Variants in FBXO11 observed in about 807,000 individuals in gnomAD.
FBXO11 encodes the protein F-box only protein 11.
Under a neutral mutation model 117.0 loss-of-function variants are expected in FBXO11, and 13 were observed. That is an observed-to-expected ratio of 0.11 (90% CI 0.07 to 0.18). The LOEUF is 0.18. Among genes scored for constraint, FBXO11 ranks in the 10% least tolerant of loss-of-function variants. The pLI is 1.00. For missense variants in FBXO11, 767 were observed against 1,164.4 expected (o/e 0.66, Z 4.97); for synonymous variants, 490 against 380.5 (o/e 1.29, Z -3.35).
At chr2:47,828,183 C>T (rs930487026) in intron 11 of FBXO11, among the ~76,000 whole-genome samples, 1 of 152,016 alleles carries the variant, frequency 6.6e-6, no homozygotes, top group Non-Finnish European at 1.5e-5. Flanking sequence ...TAGGGTCTGT[C>T]TTGCTCAGGT....
chr2:47,880,431 T>C (rs1226912560), intron 1 of FBXO11, among the ~76,000 whole-genome samples: 11 of 152,318 alleles, frequency 7.2e-5, no homozygotes, highest in Non-Finnish European at 1.3e-4. Context: ...GTGAAAAACA[T>C]CCAATTTCAT....
intron 1 of FBXO11, among the ~76,000 whole-genome samples, chr2:47,886,246 G>A (rs1676836339): frequency 6.6e-6 from 1 of 152,078 alleles, no homozygotes; most frequent in Non-Finnish European, 1.5e-5. Context: ...GGTGCCTCAC[G>A]CTGTAATCCC....
intron 1 of FBXO11, among the ~76,000 whole-genome samples, chr2:47,903,382 A>G (rs1305343886): frequency 6.6e-6 from 1 of 152,210 alleles, no homozygotes; most frequent in Non-Finnish European, 1.5e-5. Flanking sequence ...TTCATTTACC[A>G]TTTGGTTGGG....
rs1338610012 is a variant in FBXO11 at position 47,813,300 on chromosome 2, T to C, written c.2161A>G (p.Thr721Ala). The C allele has an allele frequency of 1.2e-6, 2 of 1,611,760 alleles. No homozygotes were observed. The highest frequency in any genetic ancestry group is 8.5e-7 in the Non-Finnish European group (1 of 1,177,920). The change falls in exon 18 of 23, where the codon ACA (threonine) becomes GCA (alanine). Residue 721 changes from threonine (T) to alanine (A), a missense_variant. This residue lies in a region of FBXO11 where 42 missense variants were observed against 216.8 expected (regional missense o/e 0.19). Coordinates refer to ENST00000403359, the MANE Select transcript of FBXO11 (RefSeq NM_001190274.2). ...TCATGGATTTTATTTCTTCTTAGTG[T>C]AGGATTACTATCTGTCTTAATCCAG... ...GVWIKTDSNP[T>A]LRRNKIHDGR...
chr2:47,893,690 T>G (rs1449343986), intron 1 of FBXO11, among the ~76,000 whole-genome samples: 4 of 152,230 alleles, frequency 2.6e-5, no homozygotes, highest in African/African-American at 9.6e-5. Flanking sequence ...TGATTTATAT[T>G]GGCAACCCAA....
intron 1 of FBXO11, chr2:47,905,005 G>C (rs1214670315): frequency 6.6e-6 from 1 of 152,144 alleles, no homozygotes; most frequent in Non-Finnish European, 1.5e-5. Context: ...TCCTCAGGAA[G>C]GGGTAGGCTA....
At position 47,818,872 on chromosome 2, in the gene FBXO11, T is replaced by TA. The variant is rs1671187061; in HGVS notation, c.1921-9_1921-8insT. 1 of 1,554,480 alleles carries TA rather than the reference T, an allele frequency of 6.4e-7. No individual in the cohort carries two copies. The highest frequency in any genetic ancestry group is 1.4e-5 in the African/African-American group (1 of 70,946). On this transcript the variant is annotated splice_polypyrimidine_tract_variant and intron_variant, in intron 15 of 22. Transcript: ENST00000403359. ...ATAAAAATAAACACCAACCTAAAAT[T>TA]TAAAAAAAAAAAAAAAGCTTTTTCA...
At chr2:47,831,427 GAAA>G (rs920107554) in intron 11 of FBXO11, among the ~76,000 whole-genome samples, 27 of 65,772 alleles carry the variant, frequency 4.1e-4, no homozygotes, top group Middle Eastern at 0.012. Flanking sequence ...GTCTCAAAAA[GAAA>G]AAAAAAAAAA....
At chr2:47,841,651 T>G (rs181068074) in intron 1 of FBXO11, among the ~76,000 whole-genome samples, 9 of 152,262 alleles carry the variant, frequency 5.9e-5, no homozygotes, top group Middle Eastern at 6.8e-3. Context: ...ATTATTATTA[T>G]TATTATTTGA....
At chr2:47,873,331 G>A (rs1405132605) in intron 1 of FBXO11, among the ~76,000 whole-genome samples, 2 of 152,186 alleles carry the variant, frequency 1.3e-5, no homozygotes, top group African/African-American at 4.8e-5. Flanking sequence ...ATGGTAAAGA[G>A]GCAAATACCT....
intron 1 of FBXO11, among the ~76,000 whole-genome samples, chr2:47,904,718 C>A (rs1360057094): frequency 6.6e-6 from 1 of 151,872 alleles, no homozygotes; most frequent in Admixed American, 6.6e-5. Flanking sequence ...TCGGGGAGGA[C>A]AGGCGAGGGG....
chr2:47,881,731 C>T (rs1047684414), intron 1 of FBXO11, among the ~76,000 whole-genome samples: 7 of 150,168 alleles, frequency 4.7e-5, no homozygotes, highest in African/African-American at 1.7e-4. Flanking sequence ...TATATTCTGT[C>T]GTTATGATCT....
intron 3 of FBXO11, 44 bp from the exon 4 acceptor site, chr2:47,839,047 T>C: frequency 6.4e-7 from 1 of 1,554,318 alleles, no homozygotes; most frequent in South Asian, 1.2e-5. Context: ...AGCAATAACT[T>C]TCTCATTATT....
At chr2:47,860,027 T>C (rs1172378409) in intron 1 of FBXO11, among the ~76,000 whole-genome samples, 1 of 152,184 alleles carries the variant, frequency 6.6e-6, no homozygotes, top group Admixed American at 6.5e-5. Context: ...CTCTCTTCTC[T>C]GATAAACCGA....
intron 1 of FBXO11, among the ~76,000 whole-genome samples, chr2:47,903,463 C>A (rs1453003505): frequency 1.3e-5 from 2 of 152,192 alleles, no homozygotes; most frequent in Admixed American, 1.3e-4. Context: ...TTGACACTGG[C>A]ATGTGACTGC....
intron 7 of FBXO11, among the ~76,000 whole-genome samples, chr2:47,834,106 T>C (rs918166430): frequency 6.6e-6 from 1 of 152,114 alleles, no homozygotes; most frequent in Non-Finnish European, 1.5e-5. Flanking sequence ...TCCCCGCACT[T>C]TGGAAGGCCG....
At chr2:47,830,933 G>C (rs1022663563) in intron 11 of FBXO11, among the ~76,000 whole-genome samples, 1 of 152,020 alleles carries the variant, frequency 6.6e-6, no homozygotes, top group Non-Finnish European at 1.5e-5. Flanking sequence ...CAAGTAGCTG[G>C]GACTACAGGT....
intron 1 of FBXO11, among the ~76,000 whole-genome samples, chr2:47,888,125 G>A (rs115094295): frequency 0.014 from 2,111 of 152,106 alleles, 57 homozygotes; most frequent in African/African-American, 0.049. Context: ...CGCTCACTTC[G>A]CACTTACACA....
At position 47,861,318 on chromosome 2, in the gene FBXO11, CT is replaced by C. The variant is rs869265850; in HGVS notation, c.233-21550del. ...TTCTATCCCATATGAATAGTCTGAC[CT>C]TTTTTTTTTTTTTTTTTGAGACAAG... is the stretch of plus-strand genomic sequence containing the variant. On this transcript the variant is annotated intron_variant, in intron 1 of 22. Transcript: ENST00000403359. Among the ~76,000 whole-genome samples, 888 of 132,592 alleles carry C rather than the reference CT, an allele frequency of 6.7e-3. 2 individuals carry two copies. The highest frequency in any genetic ancestry group is 0.018 in the African/African-American group (639 of 36,512). The allele number at this position is 132,592 out of a possible 152,430, so 87.0% of individuals were successfully genotyped here.
Sources: allele counts gnomAD v4.1 joint callset (sites outside exome capture counted in the v4.1 genomes callset), GRCh38; gene constraint gnomAD v4.1.1; regional missense constraint gnomAD v4.1.1; transcripts MANE v1.5; gene names NCBI Gene and HGNC (gene_info 2026-07-23, HGNC 2026-07-21).